The following CDH18 variants were observed in gnomAD, a reference collection of about 807,000 sequenced individuals.
CDH18 encodes cadherin 18.
Under a neutral mutation model 67.9 loss-of-function variants are expected in CDH18, and 31 were observed. The ratio of observed to expected loss-of-function variants is 0.46; its 90% CI spans 0.34 to 0.62. CDH18 has a LOEUF of 0.62. Ranked by LOEUF, CDH18 falls within the 20% of genes least tolerant of loss-of-function variation. CDH18 has a pLI of 0.01. For missense variants in CDH18, 890 were observed against 975.5 expected (o/e 0.91, Z 1.17); for synonymous variants, 362 against 347.2 (o/e 1.04, Z -0.48).
chr5:19,890,354 C>T (rs1487854161), intron 2 of CDH18, among the ~76,000 whole-genome samples: 5 of 152,120 alleles, frequency 3.3e-5, no homozygotes, highest in African/African-American at 9.6e-5. Context: ...CCCTTAATCA[C>T]ATCTGTAAAG....
At chr5:19,825,789 A>C (rs1780342940) in intron 3 of CDH18, among the ~76,000 whole-genome samples, 1 of 152,162 alleles carries the variant, frequency 6.6e-6, no homozygotes, top group Non-Finnish European at 1.5e-5. Flanking sequence ...ATGAGAAAAA[A>C]ACTAGTACAA....
intron 2 of CDH18, among the ~76,000 whole-genome samples, chr5:20,204,956 A>G (rs1739765187): frequency 6.6e-6 from 1 of 151,938 alleles, no homozygotes; most frequent in Admixed American, 6.6e-5. Context: ...TTTTACCAGA[A>G]AAAAACTTAA....
chr5:19,971,881 A>ATG lies in CDH18; in HGVS notation c.-257+9177_-257+9178dup, dbSNP rs1400703888. Among the ~76,000 whole-genome samples, 32 of 151,624 alleles carry ATG rather than the reference A, an allele frequency of 2.1e-4. No individual in the cohort carries two copies. In the East Asian group the frequency reaches 5.0e-3, roughly 24 times the overall value. ...AAAAGAGAGAGAGAGAGAGAAAGAA[A>ATG]TGTGAATCGAGGTGATCTGCCAAAT... On this transcript the variant is annotated intron_variant, in intron 2 of 12. Coordinates refer to ENST00000382275, the MANE Select transcript of CDH18 (RefSeq NM_004934.5).
chr5:20,012,005 T>C (rs1737482237), intron 2 of CDH18, among the ~76,000 whole-genome samples: 2 of 152,156 alleles, frequency 1.3e-5, no homozygotes, highest in Admixed American at 1.3e-4. Context: ...ATAGTTTCAG[T>C]AGGAATGATA....
chr5:20,545,993 ATGCTT>A (rs1757320860), intron 1 of CDH18, among the ~76,000 whole-genome samples: 1 of 152,174 alleles, frequency 6.6e-6, no homozygotes, highest in Non-Finnish European at 1.5e-5. Context: ...CATATCTTGA[ATGCTT>A]TGCTGCTTAG....
intron 2 of CDH18, among the ~76,000 whole-genome samples, chr5:20,142,876 G>A (rs1750357495): frequency 6.6e-6 from 1 of 152,206 alleles, no homozygotes; most frequent in Non-Finnish European, 1.5e-5. Context: ...AGTGTCTGAT[G>A]TTTAAACCAT....
chr5:20,057,061 A>G (rs1742055300), intron 2 of CDH18, among the ~76,000 whole-genome samples: 1 of 152,144 alleles, frequency 6.6e-6, no homozygotes, highest in African/African-American at 2.4e-5. Context: ...CTAAGATGTC[A>G]TCCCTAAGTA....
At chr5:20,129,579 C>A (rs1389909606) in intron 2 of CDH18, among the ~76,000 whole-genome samples, 1 of 151,976 alleles carries the variant, frequency 6.6e-6, no homozygotes, top group African/African-American at 2.4e-5. Flanking sequence ...CTCTTATGAT[C>A]AGAAGCTTAA....
intron 1 of CDH18, among the ~76,000 whole-genome samples, chr5:20,371,704 C>T (rs1388220310): frequency 1.3e-5 from 2 of 152,060 alleles, no homozygotes; most frequent in East Asian, 1.9e-4. Context: ...TTCAGTAGAG[C>T]GGGAGAGATA....
chr5:19,850,724 C>A (rs915861763), intron 2 of CDH18, among the ~76,000 whole-genome samples: 1 of 151,782 alleles, frequency 6.6e-6, no homozygotes, highest in African/African-American at 2.4e-5. Flanking sequence ...GGAAAATTAA[C>A]CCTAATTGTT....
chr5:20,028,072 A>C (rs1739069617), intron 2 of CDH18, among the ~76,000 whole-genome samples: 1 of 152,128 alleles, frequency 6.6e-6, no homozygotes, highest in African/African-American at 2.4e-5. Context: ...AAAATCTGTA[A>C]ACTGTTTATT....
chr5:19,995,112 G>A (rs981931673), intron 2 of CDH18, among the ~76,000 whole-genome samples: 2 of 151,612 alleles, frequency 1.3e-5, no homozygotes, highest in African/African-American at 4.8e-5. Flanking sequence ...TGGATTGGAT[G>A]ATGCACACCC....
chr5:20,015,493 G>A (rs1737802893), intron 2 of CDH18, among the ~76,000 whole-genome samples: 1 of 152,094 alleles, frequency 6.6e-6, no homozygotes, highest in Admixed American at 6.6e-5. Flanking sequence ...AACTTAGAAA[G>A]ACTAACACCA....
chr5:19,744,976 T>A (rs1769786077), intron 4 of CDH18, among the ~76,000 whole-genome samples: 1 of 152,200 alleles, frequency 6.6e-6, no homozygotes, highest in Admixed American at 6.5e-5. Flanking sequence ...AGTATATTAT[T>A]CACTTCAAGA....
chr5:19,953,560 A>G (rs1488386528), intron 2 of CDH18, among the ~76,000 whole-genome samples: 1 of 152,098 alleles, frequency 6.6e-6, no homozygotes, highest in African/African-American at 2.4e-5. Flanking sequence ...ATTAGAGTTT[A>G]AAAATAATTA....
chr5:19,671,827 C>T (rs1330607995), intron 5 of CDH18, among the ~76,000 whole-genome samples: 1 of 151,924 alleles, frequency 6.6e-6, no homozygotes, highest in Non-Finnish European at 1.5e-5. Context: ...TTCATCTAGC[C>T]CAATTCATAA....
intron 10 of CDH18, among the ~76,000 whole-genome samples, chr5:19,504,415 C>A (rs78230676): frequency 6.7e-6 from 1 of 148,906 alleles, no homozygotes; most frequent in African/African-American, 2.5e-5. Flanking sequence ...AGCTGAAAAT[C>A]TTTTTTTTTT....
chr5:20,224,382 A>G (rs1168203584), intron 2 of CDH18, among the ~76,000 whole-genome samples: 1 of 152,024 alleles, frequency 6.6e-6, no homozygotes, highest in African/African-American at 2.4e-5. Flanking sequence ...AGAATATTGG[A>G]CCCTTCTGCC....
At chr5:19,962,828 G>T (rs1797059239) in intron 2 of CDH18, among the ~76,000 whole-genome samples, 3 of 152,046 alleles carry the variant, frequency 2.0e-5, no homozygotes, top group East Asian at 1.9e-4. Context: ...TTAAGTCTCA[G>T]AGAATATTAT....
Sources: allele counts gnomAD v4.1 joint callset (sites outside exome capture counted in the v4.1 genomes callset), GRCh38; gene constraint gnomAD v4.1.1; transcripts MANE v1.5; gene names NCBI Gene and HGNC (gene_info 2026-07-23, HGNC 2026-07-21).